PUM3: variants seen among roughly 807,000 people sequenced by gnomAD.
PUM3 encodes pumilio homolog 3.
Under a neutral mutation model 84.0 loss-of-function variants are expected in PUM3, and 91 were observed. The ratio of observed to expected loss-of-function variants is 1.08; its 90% confidence interval spans 0.91 to 1.29. The LOEUF is 1.29. PUM3 is among the 50% of genes most tolerant of loss of function. The pLI is 0.00. For missense variants in PUM3, 1,067 were observed against 767.5 expected (o/e 1.39, Z -4.61); for synonymous variants, 321 against 266.7 (o/e 1.20, Z -1.98).
chr9:2,826,057 A>C lies in PUM3; in HGVS notation c.1035+1016T>G, dbSNP rs549839188. Among the ~76,000 whole-genome samples, 34 of 152,210 alleles carry C rather than the reference A, an allele frequency of 2.2e-4. 1 individual carries two copies. In the Middle Eastern group the frequency reaches 0.014, roughly 61 times the overall value. On this transcript the variant is annotated intron_variant, in intron 10 of 17. Coordinates refer to ENST00000397885, the MANE Select transcript of PUM3 (RefSeq NM_014878.5). ...TCTCTTCAGAGCTATCCAGATGGAAAGCCATGCATATATTCCAATTATGCT... is the reference window on the plus strand; with the variant it reads ...TCTCTTCAGAGCTATCCAGATGGAACGCCATGCATATATTCCAATTATGCT...
rs200986641 is a variant in PUM3 at position 2,838,308 on chromosome 9, ACTT to A, written c.82+115_82+117del. The A allele has an allele frequency of 1.4e-4, 100 of 737,260 alleles. No individual in the cohort carries two copies. In the East Asian group the frequency reaches 2.5e-3, roughly 18 times the overall value. 45.7% of individuals were successfully genotyped at this position (737,260 alleles called of 1,614,324 possible). On this transcript the variant is annotated intron_variant, in intron 2 of 17. Transcript: ENST00000397885. The stretch of plus-strand genomic sequence containing the variant: ...TGTTAACTCATACACAATAACACAT[ACTT>A]CTTCCTACTATTTTAATCCTAATCC...
At chr9:2,813,835 C>T (rs1821416952) in intron 13 of PUM3, among the ~76,000 whole-genome samples, 1 of 152,062 alleles carries the variant, frequency 6.6e-6, no homozygotes, top group Non-Finnish European at 1.5e-5. Flanking sequence ...GTATAGCATG[C>T]TTCTGATAAC....
intron 5 of PUM3, among the ~76,000 whole-genome samples, chr9:2,832,931 G>C (rs1377634689): frequency 6.6e-6 from 1 of 152,158 alleles, no homozygotes; most frequent in Non-Finnish European, 1.5e-5. Flanking sequence ...TTATATTTTA[G>C]TTAAAGATCT....
chr9:2,815,968 GCTAGATAC>G (rs1253206604), intron 13 of PUM3, among the ~76,000 whole-genome samples: 1 of 152,182 alleles, frequency 6.6e-6, no homozygotes, highest in East Asian at 1.9e-4. Flanking sequence ...CTGAACTCCA[GCTAGATAC>G]CTTGGCACTC....
intron 6 of PUM3, 75 bp from the exon 7 acceptor site, chr9:2,831,103 C>T: frequency 1.0e-6 from 1 of 987,304 alleles, no homozygotes; most frequent in Non-Finnish European, 1.5e-6. Context: ...GGAAATTTGT[C>T]CCAGGCAAGG....
At chr9:2,807,696 G>C in intron 17 of PUM3, 118 bp downstream of exon 17, 2 of 602,740 alleles carry the variant, frequency 3.3e-6, no homozygotes, top group South Asian at 1.9e-5. Flanking sequence ...GACCATGAGT[G>C]ACTGGGAGTA....
At chr9:2,824,244 C>A (rs984033418) in intron 11 of PUM3, among the ~76,000 whole-genome samples, 1 of 152,084 alleles carries the variant, frequency 6.6e-6, no homozygotes, top group African/African-American at 2.4e-5. Flanking sequence ...CTTTTAAAGG[C>A]AGAATTATGC....
At chr9:2,832,516 G>A (rs186160663) in intron 5 of PUM3, among the ~76,000 whole-genome samples, 22 of 152,198 alleles carry the variant, frequency 1.4e-4, no homozygotes, top group Admixed American at 1.4e-3. Context: ...TTGTTTAAAG[G>A]CACACATATT....
intron 16 of PUM3, among the ~76,000 whole-genome samples, chr9:2,810,074 G>A (rs1055750029): frequency 6.9e-6 from 1 of 145,602 alleles, no homozygotes; most frequent in Non-Finnish European, 1.5e-5. Flanking sequence ...CAGCAGCACA[G>A]GAAGGAAAAC....
intron 9 of PUM3, among the ~76,000 whole-genome samples, chr9:2,828,191 G>A (rs1275402127): frequency 2.0e-5 from 3 of 152,084 alleles, no homozygotes; most frequent in East Asian, 3.9e-4. Flanking sequence ...ATACACACAT[G>A]CCATAAAGCC....
Position 2,820,171 on chromosome 9 carries a change from A to G in PUM3, c.1189-73T>C, listed in dbSNP as rs1230312849. 6.3e-6 allele frequency: 5 copies of G among 794,466 alleles called. No individual in the cohort carries two copies. The East Asian group carries it at 1.3e-4, about 21-fold the overall frequency. The allele number at this position is 794,466 out of a possible 1,614,324, so 49.2% of individuals were successfully genotyped here. A position where few individuals can be genotyped will look rare whatever the true frequency, so the allele number is the denominator to read the frequency against. On this transcript the variant is annotated intron_variant, in intron 12 of 17. Coordinates refer to ENST00000397885, the MANE Select transcript of PUM3 (RefSeq NM_014878.5). ...TTCCCTCTTATTTCACACATGGAAT[A>G]TCTTCATAAAGGTAGAGCGAGACTC...
chr9:2,821,761 T>A (rs1403267622), intron 12 of PUM3, among the ~76,000 whole-genome samples: 4 of 152,160 alleles, frequency 2.6e-5, no homozygotes, highest in Non-Finnish European at 5.9e-5. Flanking sequence ...TTCTAGGGAT[T>A]TATCTTGCAG....
Position 2,829,961 on chromosome 9 carries a change from C to A in PUM3, c.678-13G>T. 4.4e-6 allele frequency: 7 copies of A among 1,593,466 alleles called. No individual in the cohort carries two copies. The highest frequency in any genetic ancestry group is 6.0e-6 in the Non-Finnish European group (7 of 1,165,946). On this transcript the variant is annotated splice_polypyrimidine_tract_variant and intron_variant, in intron 7 of 17. Coordinates refer to ENST00000397885, the MANE Select transcript of PUM3 (RefSeq NM_014878.5). ...CTGTGGTTTACTTCTAAACGCAACA[C>A]AATCATGGAAAAATAAATGATAGAA...
intron 3 of PUM3, among the ~76,000 whole-genome samples, chr9:2,835,583 T>C (rs1816101118): frequency 6.6e-6 from 1 of 152,052 alleles, no homozygotes; most frequent in Non-Finnish European, 1.5e-5. Context: ...TGTCTGGTAA[T>C]ACAAAAGATT....
Position 2,811,098 on chromosome 9 carries a change from G to A in PUM3, c.1635+263C>T, listed in dbSNP as rs145366991. ...TTCTCTTCCCCAATCGCAGGTGTCA[G>A]AAGCACCTTGGGCACTCAATACTTG... On this transcript the variant is annotated intron_variant, in intron 15 of 17. Coordinates refer to ENST00000397885, the MANE Select transcript of PUM3 (RefSeq NM_014878.5). Among the ~76,000 whole-genome samples the A allele has an allele frequency of 7.2e-5, 11 of 152,336 alleles. No homozygotes were observed. In the East Asian group the frequency reaches 2.1e-3, roughly 29 times the overall value.
chr9:2,841,166 T>A (rs140244825), intron 1 of PUM3, among the ~76,000 whole-genome samples: 1 of 152,212 alleles, frequency 6.6e-6, no homozygotes, highest in Non-Finnish European at 1.5e-5. Flanking sequence ...ATACACATAT[T>A]CCACCCTACT....
chr9:2,808,598 A>G (rs1821307109), intron 16 of PUM3, among the ~76,000 whole-genome samples: 1 of 152,218 alleles, frequency 6.6e-6, no homozygotes. Context: ...GTCAGGTAGC[A>G]TGTACTATAT....
intron 5 of PUM3, 59 bp downstream of exon 5, chr9:2,833,298 C>G: frequency 2.3e-6 from 2 of 871,604 alleles, no homozygotes; most frequent in Non-Finnish European, 3.7e-6. Flanking sequence ...GTCAGCTACT[C>G]CTGAGAGTGA....
chr9:2,843,753 T>G (rs575630763), intron 1 of PUM3, among the ~76,000 whole-genome samples: 2 of 151,898 alleles, frequency 1.3e-5, no homozygotes, highest in Admixed American at 1.3e-4. Context: ...TAATTTTTTG[T>G]AGTTTTAGTA....
Sources: gnomAD v4.1 joint callset for allele counts (sites outside exome capture counted in the v4.1 genomes callset) on GRCh38, gnomAD v4.1.1 for gene constraint, MANE v1.5 for transcripts, NCBI Gene and HGNC (gene_info 2026-07-23, HGNC 2026-07-21) for gene names.